PCDHA5: variants seen among roughly 807,000 people sequenced by gnomAD.
The protein encoded by PCDHA5 is protocadherin alpha 5, also known as protocadherin alpha-5.
PCDHA5 carries 43 observed loss-of-function variants against 61.6 expected under a neutral mutation model. The ratio of observed to expected loss-of-function variants is 0.70; its 90% CI spans 0.55 to 0.90. The LOEUF (loss-of-function observed/expected upper bound fraction) is 0.90, where lower values mean the gene tolerates loss of function less well. Ranked by LOEUF, PCDHA5 falls within the 40% of genes least tolerant of loss-of-function variation. The probability of loss-of-function intolerance (pLI) is 0.00; values close to 1 mark genes in which losing one functional copy is unlikely to be tolerated. For synonymous variants in PCDHA5, 627 were observed against 543.9 expected (o/e 1.15, Z -2.13); for missense variants, 1,298 against 1,222.7 (o/e 1.06, Z -0.92).
intron 1 of PCDHA5, chr5:140,852,642 A>T (rs2042423560): frequency 2.1e-6 from 2 of 960,454 alleles, no homozygotes; most frequent in African/African-American, 3.6e-5. Flanking sequence ...CTGTCATTAA[A>T]CCTATCTATA....
intron 1 of PCDHA5, chr5:140,856,832 C>A (rs2044230469): frequency 3.1e-6 from 5 of 1,590,918 alleles, no homozygotes; most frequent in Non-Finnish European, 4.3e-6. Context: ...ATTAGTAATA[C>A]GGCTCAACGC....
chr5:141,009,946 A>G lies in PCDHA5; in HGVS notation c.*9A>G, dbSNP rs781855183. On this transcript the variant is annotated 3_prime_UTR_variant, in exon 4 of 4. Transcript: ENST00000529859. ...ACAACAGTGACCAGTGAGGTCCTCA[A>G]ATGGAAACAAGCCACTTAGCCAGTT... 8.8e-6 allele frequency: 14 copies of G among 1,596,354 alleles called. No homozygotes were observed. The highest frequency in any genetic ancestry group is 1.7e-4 in the Middle Eastern group (1 of 5,948).
intron 1 of PCDHA5, among the ~76,000 whole-genome samples, chr5:140,909,861 A>C (rs782745985): frequency 6.6e-6 from 1 of 152,186 alleles, no homozygotes. Context: ...GGTCCCCTGG[A>C]GTCAACGTCA....
Position 140,823,873 on chromosome 5 carries a change from A to G in PCDHA5, c.2098A>G (p.Ile700Val). The change falls in exon 1 of 4, where the codon ATC (isoleucine) becomes GTC (valine). Residue 700 changes from isoleucine (I) to valine (V), a missense_variant. Physicochemically the swap from Ile to Val is conservative, Grantham distance 29. Transcript: ENST00000529859. Reference protein sequence around the residue: ...AALVDVNVYLIIAICAVSSLL... With the variant: ...AALVDVNVYLVIAICAVSSLL... ...CCTGGTGGATGTCAACGTGTACCTG[A>G]TCATCGCCATCTGTGCGGTGTCCAG... 1 of 1,613,808 alleles carries G rather than the reference A, an allele frequency of 6.2e-7. No individual in the cohort carries two copies. The highest frequency in any genetic ancestry group is 8.5e-7 in the Non-Finnish European group (1 of 1,179,918).
intron 1 of PCDHA5, chr5:140,870,544 G>T: frequency 6.2e-7 from 1 of 1,614,124 alleles, no homozygotes. Context: ...GGCGCGGGAC[G>T]CGGACGCGCA....
intron 3 of PCDHA5, among the ~76,000 whole-genome samples, chr5:140,997,092 A>C (rs2097758868): frequency 6.6e-6 from 1 of 152,160 alleles, no homozygotes; most frequent in South Asian, 2.1e-4. Flanking sequence ...GAAAGTGCAG[A>C]GTTCTCATGC....
Position 140,890,095 on chromosome 5 carries a change from C to T in PCDHA5, c.2352+65968C>T, listed in dbSNP as rs1237299507. On this transcript the variant is annotated intron_variant, in intron 1 of 3. Coordinates refer to ENST00000529859, the MANE Select transcript of PCDHA5 (RefSeq NM_018908.3). ...TGAGAACTGATAATGCAAATTTATT[C>T]CCAACTCTGGATTCAATGATGTCAC... Among the ~76,000 whole-genome samples the T allele has an allele frequency of 2.6e-5, 4 of 152,128 alleles. 1 individual carries two copies. The highest frequency in any genetic ancestry group is 1.3e-4 in the Admixed American group (2 of 15,262).
At chr5:140,828,067 G>A (rs2150150517) in intron 1 of PCDHA5, 4 of 1,560,446 alleles carry the variant, frequency 2.6e-6, no homozygotes, top group Non-Finnish European at 8.7e-7. Flanking sequence ...ATCTTCTAAT[G>A]GAAATAAAAC....
chr5:140,869,577 T>C, intron 1 of PCDHA5: 2 of 1,614,188 alleles, frequency 1.2e-6, no homozygotes, highest in Non-Finnish European at 8.5e-7. Context: ...AGGGAGCTTC[T>C]GATGCTGACA....
intron 1 of PCDHA5, chr5:140,877,750 T>C (rs782654875): frequency 6.2e-7 from 1 of 1,614,146 alleles, no homozygotes; most frequent in Non-Finnish European, 8.5e-7. Flanking sequence ...GAGGGTGTGC[T>C]CTGCAGAGAG....
intron 1 of PCDHA5, chr5:140,871,364 G>T (rs113722940): frequency 2.5e-6 from 4 of 1,614,102 alleles, no homozygotes; most frequent in Non-Finnish European, 3.4e-6. Context: ...CAGCAGAGGC[G>T]GCAGAGGGTG....
intron 1 of PCDHA5, chr5:140,863,368 C>A (rs1562578744): frequency 8.4e-7 from 1 of 1,192,682 alleles, no homozygotes; most frequent in Non-Finnish European, 1.2e-6. Flanking sequence ...GTGCTTGGCG[C>A]AGCTCACCGA....
In PCDHA5 at chr5:141,006,221, T is replaced by C. The variant is rs559314025; in HGVS notation, c.2501-3406T>C. Among the ~76,000 whole-genome samples, 485 of 152,162 alleles carry C rather than the reference T, an allele frequency of 3.2e-3. 7 individuals carry two copies. The highest frequency in any genetic ancestry group is 0.01 in the Middle Eastern group (3 of 294). On this transcript the variant is annotated intron_variant, in intron 3 of 3. Transcript: ENST00000529859. Reference sequence around the variant, plus strand: ...GTTATGCCTCATTTTTTTTTAAATTTTTTATTTTTAGATGGAGTCTTGCTC... The same window carrying C: ...GTTATGCCTCATTTTTTTTTAAATTCTTTATTTTTAGATGGAGTCTTGCTC...
chr5:140,945,597 A>G (rs374286655), intron 1 of PCDHA5, among the ~76,000 whole-genome samples: 11 of 152,170 alleles, frequency 7.2e-5, no homozygotes, highest in Non-Finnish European at 1.2e-4. Context: ...CTTCAAAGCT[A>G]TAATAATCAA....
At chr5:140,824,646 A>G (rs1554130025) in intron 1 of PCDHA5, 2 of 90,532 alleles carry the variant, frequency 2.2e-5, no homozygotes, top group Non-Finnish European at 3.9e-5. Context: ...TTCTGTAGAG[A>G]TAGGGGTCTT....
rs116104145 is a variant in PCDHA5, at chr5:140,901,150, A to G, written c.2352+77023A>G. Among the ~76,000 whole-genome samples, 839 of 152,012 alleles carry G rather than the reference A, an allele frequency of 5.5e-3. 12 individuals carry two copies. Among genetic ancestry groups the G allele is most frequent in the African/African-American group, 0.019 (783 of 41,484 alleles). On this transcript the variant is annotated intron_variant, in intron 1 of 3. Transcript: ENST00000529859. ...GGTAGATTGTAAATATTTTCTCTCA[A>G]TCTGTGGGTTGTCTCTTCACTTTGT...
chr5:140,943,006 C>G (rs1314561126), intron 1 of PCDHA5, among the ~76,000 whole-genome samples: 1 of 151,932 alleles, frequency 6.6e-6, no homozygotes, highest in East Asian at 1.9e-4. Context: ...CCTGTAATCC[C>G]AGCACTTTGG....
chr5:140,990,990 A>G (rs1269528161), intron 3 of PCDHA5, among the ~76,000 whole-genome samples: 1 of 152,210 alleles, frequency 6.6e-6, no homozygotes, highest in East Asian at 1.9e-4. Flanking sequence ...GACAATAGCT[A>G]CCATTTATTG....
chr5:140,881,326 C>G, intron 1 of PCDHA5: 1 of 984,388 alleles, frequency 1.0e-6, no homozygotes, highest in Non-Finnish European at 1.2e-6. Flanking sequence ...TTCTATTTAA[C>G]CAGGACGCCG....
Sources: gnomAD v4.1 joint callset for allele counts (sites outside exome capture counted in the v4.1 genomes callset) on GRCh38, gnomAD v4.1.1 for gene constraint, MANE v1.5 for transcripts, NCBI Gene and HGNC (gene_info 2026-07-23, HGNC 2026-07-21) for gene names.